The following TAS2R42 variants were observed in gnomAD, a reference collection of about 807,000 sequenced individuals.
The protein encoded by TAS2R42 is taste 2 receptor member 42.
For missense variants in TAS2R42, 356 were observed against 356.9 expected, an observed-to-expected ratio of 1.00 and a Z score of 0.02; for synonymous variants, 138 against 133.0, an observed-to-expected ratio of 1.04 and a Z score of -0.26.
At position 11,186,452 on chromosome 12, in the gene TAS2R42, A is replaced by G. The variant is rs75455802; in HGVS notation, c.486T>C (p.Ser162=). ...IDISLNIIDK[S]NLTLYLDESK... ...TTTCATCTAAATATAAAGTCAGATT[A>G]CTTTTATCTATTATATTGAGTGAGA... Residue 162 remains serine, a synonymous_variant, in exon 1 of 1, where the codon AGT becomes AGC. Coordinates refer to ENST00000334266, the MANE Select transcript of TAS2R42 (RefSeq NM_181429.2). 231 of 1,604,680 alleles carry G rather than the reference A, an allele frequency of 1.4e-4. 1 individual carries two copies. In the African/African-American group the frequency reaches 2.8e-3, roughly 20 times the overall value.
At position 11,186,345 on chromosome 12, in the gene TAS2R42, G is replaced by A. The variant is rs762859646; in HGVS notation, c.593C>T (p.Thr198Ile). 1.4e-5 allele frequency: 23 copies of A among 1,613,516 alleles called. No homozygotes were observed. The highest frequency in any genetic ancestry group is 1.9e-5 in the Non-Finnish European group (23 of 1,179,530). The part of the protein sequence containing the change: ...TSFIPFSLFL[T>I]SLLFLFLSLV... ...GGACAGAAATAAAAAAAGCAAGGAG[G>A]TCAGGAACAGAGAAAAGGGGATAAA... is the stretch of plus-strand genomic sequence containing the variant. The change falls in exon 1 of 1, where the codon ACC (threonine) becomes ATC (isoleucine). Residue 198 changes from threonine to isoleucine, a missense_variant. Thr to Ile is a moderately conservative substitution (Grantham distance 89). Coordinates refer to ENST00000334266, the MANE Select transcript of TAS2R42 (RefSeq NM_181429.2).
Position 11,186,228 on chromosome 12 carries a change from A to G in TAS2R42, c.710T>C (p.Met237Thr), listed in dbSNP as rs981527552. The change falls in exon 1 of 1, where the codon ATG (methionine) becomes ACG (threonine). Residue 237 changes from methionine to threonine, a missense_variant. By Grantham distance (81) the Met-to-Thr change is moderately conservative. Transcript: ENST00000334266. The part of the protein sequence containing the change: ...EAHRRAMKMV[M>T]SFLFLFIVHF... ...AACTATGAAGAGGAAAAGGAAAGACATCACCATTTTCATGGCCCTCCTATG... is the reference window on the plus strand; with the variant it reads ...AACTATGAAGAGGAAAAGGAAAGACGTCACCATTTTCATGGCCCTCCTATG... The G allele has an allele frequency of 2.5e-6, 4 of 1,613,330 alleles. No individual in the cohort carries two copies. The highest frequency in any genetic ancestry group is 2.7e-5 in the African/African-American group (2 of 74,842).
Position 11,186,787 on chromosome 12 carries a change from A to G in TAS2R42, c.151T>C (p.Leu51=), listed in dbSNP as rs1565739227. 6.2e-7 allele frequency: 1 copy of G among 1,614,120 alleles called. No individual in the cohort carries two copies. Among genetic ancestry groups the G allele is most frequent in the Non-Finnish European group, 8.5e-7 (1 of 1,179,984 alleles). The change falls in exon 1 of 1, where the codon TTG becomes CTG. Residue 51 remains leucine (L), a synonymous_variant. Coordinates refer to ENST00000334266, the MANE Select transcript of TAS2R42 (RefSeq NM_181429.2). The part of the protein sequence containing the change: ...VFSADFILTC[L]AISTIGQLLV... ...AGTTGTCCAATTGTGGAGATAGCCA[A>G]GCAGGTGAGGATGAAGTCAGCTGAG...
At position 11,186,806 on chromosome 12, in the gene TAS2R42, A is replaced by G. The variant is rs1197943248; in HGVS notation, c.132T>C (p.Ala44=). 5 of 1,614,040 alleles carry G rather than the reference A, an allele frequency of 3.1e-6. No individual in the cohort carries two copies. Among genetic ancestry groups the G allele is most frequent in the Non-Finnish European group, 4.2e-6 (5 of 1,180,012 alleles). The change falls in exon 1 of 1, where the codon GCT becomes GCC. Residue 44 remains alanine, a synonymous_variant. Transcript: ENST00000334266. ...EGIKNQKVFS[A]DFILTCLAIS... ...TAGCCAAGCAGGTGAGGATGAAGTC[A>G]GCTGAGAAGACCTTTTGGTTCTTGA... is the stretch of plus-strand genomic sequence containing the variant.
In TAS2R42 at chr12:11,186,904, G is replaced by C. The variant is rs1357063356; in HGVS notation, c.34C>G (p.Leu12Val). ...CTGATGATGAATTCTGCTATTGCCAGAATCAGAAAGATTTTGTCCAATTCG... is the reference window on the plus strand; with the variant it reads ...CTGATGATGAATTCTGCTATTGCCACAATCAGAAAGATTTTGTCCAATTCG... ...ATELDKIFLI[L>V]AIAEFIISML... Residue 12 changes from leucine to valine, a missense_variant, in exon 1 of 1, where the codon CTG becomes GTG. Physicochemically the swap from Leu to Val is conservative, Grantham distance 32 (BLOSUM62 1). Coordinates refer to ENST00000334266, the MANE Select transcript of TAS2R42 (RefSeq NM_181429.2). 6.2e-7 allele frequency: 1 copy of C among 1,612,626 alleles called. No individual in the cohort carries two copies. The highest frequency in any genetic ancestry group is 1.3e-5 in the African/African-American group (1 of 74,798).
Position 11,186,908 on chromosome 12 carries a change from C to T in TAS2R42, c.30G>A (p.Leu10=). 2.5e-6 allele frequency: 4 copies of T among 1,612,536 alleles called. No homozygotes were observed. Among genetic ancestry groups the T allele is most frequent in the Non-Finnish European group, 3.4e-6 (4 of 1,179,326 alleles). ...TGATGAATTCTGCTATTGCCAGAAT[C>T]AGAAAGATTTTGTCCAATTCGGTGG... MATELDKIF[L]ILAIAEFIIS... The change falls in exon 1 of 1, where the codon CTG becomes CTA. Residue 10 remains leucine, a synonymous_variant. Coordinates refer to ENST00000334266, the MANE Select transcript of TAS2R42 (RefSeq NM_181429.2).
rs2136508095 is a variant in TAS2R42, at chr12:11,186,688, T to G, written c.250A>C (p.Thr84Pro). Reference sequence around the variant, plus strand: ...GTCATGTGCCAAAGCATAATAACAGTTTTTCCTAGTCTATATGTGGTATAT... The same window carrying G: ...GTCATGTGCCAAAGCATAATAACAGGTTTTCCTAGTCTATATGTGGTATAT... Reference protein sequence around the residue: ...HLYTTYRLGKTVIMLWHMTNH... With the variant: ...HLYTTYRLGKPVIMLWHMTNH... Residue 84 changes from threonine to proline, a missense_variant, in exon 1 of 1, where the codon ACT (threonine) becomes CCT (proline). By Grantham distance (38) the Thr-to-Pro change is conservative. Transcript: ENST00000334266. 1 of 1,614,024 alleles carries G rather than the reference T, an allele frequency of 6.2e-7. No homozygotes were observed. Among genetic ancestry groups the G allele is most frequent in the Non-Finnish European group, 8.5e-7 (1 of 1,179,982 alleles).
chr12:11,186,098 G>A lies in TAS2R42; in HGVS notation c.840C>T (p.His280=), dbSNP rs771118774. Reference sequence around the variant, plus strand: ...TGTTTCCCAGAATGAGAATAAATGAGTGGCACGAGGGAAAGGCATTTAAGG... The same window carrying A: ...TGTTTCCCAGAATGAGAATAAATGAATGGCACGAGGGAAAGGCATTTAAGG... ...MLALNAFPSC[H]SFILILGNSK... Residue 280 remains histidine, a synonymous_variant, in exon 1 of 1, where the codon CAC becomes CAT. Transcript: ENST00000334266. 5 of 1,613,854 alleles carry A rather than the reference G, an allele frequency of 3.1e-6. No homozygotes were observed. The African/African-American group carries it at 6.7e-5, about 22-fold the overall frequency.
chr12:11,186,595 G>T lies in TAS2R42; in HGVS notation c.343C>A (p.Pro115Thr), dbSNP rs572685820. ...IFYFFKIAHF[P>T]HSLFLWLRWR... ...CTCAGCCAGAGGAAAAGGGAGTGGGGGAAGTGGGCTATCTTAAAGAAATAG... is the reference window on the plus strand; with the variant it reads ...CTCAGCCAGAGGAAAAGGGAGTGGGTGAAGTGGGCTATCTTAAAGAAATAG... Residue 115 changes from proline (P) to threonine (T), a missense_variant, in exon 1 of 1, where the codon CCC becomes ACC. Pro to Thr is a conservative substitution (Grantham distance 38, BLOSUM62 -1). Coordinates refer to ENST00000334266, the MANE Select transcript of TAS2R42 (RefSeq NM_181429.2). 9.3e-6 allele frequency: 15 copies of T among 1,614,020 alleles called. No individual in the cohort carries two copies. In the South Asian group the frequency reaches 1.6e-4, roughly 18 times the overall value.
chr12:11,186,197 A>G lies in TAS2R42; in HGVS notation c.741T>C (p.Phe247=), dbSNP rs1204943388. 6.2e-7 allele frequency: 1 copy of G among 1,613,818 alleles called. No homozygotes were observed. Among genetic ancestry groups the G allele is most frequent in the East Asian group, 2.2e-5 (1 of 44,876 alleles). The change falls in exon 1 of 1, where the codon TTT becomes TTC. Residue 247 remains phenylalanine, a synonymous_variant. Transcript: ENST00000334266. ...MSFLFLFIVH[F]FSLQVANWIF... ...TCCAATTGGCCACTTGTAAGGAAAA[A>G]AAATGAACTATGAAGAGGAAAAGGA...
chr12:11,186,924 A>C lies in TAS2R42; in HGVS notation c.14T>G (p.Leu5Trp). The change falls in exon 1 of 1, where the codon TTG (leucine) becomes TGG (tryptophan). Residue 5 changes from leucine (L) to tryptophan (W), a missense_variant. Transcript: ENST00000334266. ...TGCCAGAATCAGAAAGATTTTGTCCAATTCGGTGGCCATCTCCAGAGACAA... is the reference window on the plus strand; with the variant it reads ...TGCCAGAATCAGAAAGATTTTGTCCCATTCGGTGGCCATCTCCAGAGACAA... MATELDKIFLILAIA... is the reference protein window; with the variant it reads MATEWDKIFLILAIA... 1 of 1,601,088 alleles carries C rather than the reference A, an allele frequency of 6.2e-7. No individual in the cohort carries two copies. Among genetic ancestry groups the C allele is most frequent in the Non-Finnish European group, 8.5e-7 (1 of 1,175,316 alleles).
At position 11,186,453 on chromosome 12, in the gene TAS2R42, C is replaced by A; in HGVS notation, c.485G>T (p.Ser162Ile). 1.9e-6 allele frequency: 3 copies of A among 1,605,864 alleles called. No homozygotes were observed. The highest frequency in any genetic ancestry group is 2.6e-6 in the Non-Finnish European group (3 of 1,175,896). The change falls in exon 1 of 1, where the codon AGT (serine) becomes ATT (isoleucine). Residue 162 changes from serine to isoleucine, a missense_variant. Physicochemically the swap from Ser to Ile is moderately radical, Grantham distance 142. Coordinates refer to ENST00000334266, the MANE Select transcript of TAS2R42 (RefSeq NM_181429.2). ...IDISLNIIDKSNLTLYLDESK... is the reference protein window; with the variant it reads ...IDISLNIIDKINLTLYLDESK... ...TTCATCTAAATATAAAGTCAGATTA[C>A]TTTTATCTATTATATTGAGTGAGAT...
In TAS2R42 at chr12:11,186,626, G is replaced by T; in HGVS notation, c.312C>A (p.Ser104Arg). ...GGGCTATCTTAAAGAAATAGAAAAT[G>T]CTTAGGCAGGTGGCAAGCCAGGTTG... ...HLTTWLATCLSIFYFFKIAHF... is the reference protein window; with the variant it reads ...HLTTWLATCLRIFYFFKIAHF... Residue 104 changes from serine to arginine, a missense_variant, in exon 1 of 1, where the codon AGC (serine) becomes AGA (arginine). Physicochemically the swap from Ser to Arg is moderately radical, Grantham distance 110. Coordinates refer to ENST00000334266, the MANE Select transcript of TAS2R42 (RefSeq NM_181429.2). The T allele has an allele frequency of 6.2e-7, 1 of 1,614,064 alleles. No individual in the cohort carries two copies. The highest frequency in any genetic ancestry group is 8.5e-7 in the Non-Finnish European group (1 of 1,179,988).
Position 11,186,017 on chromosome 12 carries a change from T to G in TAS2R42, c.921A>C (p.Lys307Asn), listed in dbSNP as rs750106388. 19 of 1,608,086 alleles carry G rather than the reference T, an allele frequency of 1.2e-5. No individual in the cohort carries two copies. The highest frequency in any genetic ancestry group is 1.6e-5 in the Non-Finnish European group (19 of 1,177,804). Residue 307 changes from lysine (K) to asparagine (N), a missense_variant, in exon 1 of 1, where the codon AAA becomes AAC. Transcript: ENST00000334266. ...TCTACAAAGGTAAAGGGTTTGGTGT[T>G]TTTGTATAGTTCCTAAGATGCCACA... ...RLLWHLRNYT[K>N]TPNPLPL
chr12:11,186,079 C>A, the TAS2R42 span: 1 of 1,613,912 alleles, frequency 6.2e-7, no homozygotes, highest in Non-Finnish European at 8.5e-7. Context: ...TTGCTGTTTC[C>A]CAGAATGAGA....
Position 11,186,494 on chromosome 12 carries a change from T to C in TAS2R42, c.444A>G (p.Leu148=), listed in dbSNP as rs1350467284. 1 of 1,612,924 alleles carries C rather than the reference T, an allele frequency of 6.2e-7. No homozygotes were observed. Among genetic ancestry groups the C allele is most frequent in the African/African-American group, 1.3e-5 (1 of 74,912 alleles). The change falls in exon 1 of 1, where the codon CTA becomes CTG. Residue 148 remains leucine (L), a synonymous_variant. Transcript: ENST00000334266. The part of the protein sequence containing the change: ...LFLLIFDSLV[L]EIFIDISLNI... ...TGAGTGAGATATCAATAAATATTTC[T>C]AGCACTAAACTGTCAAAAATCAGTA...
In TAS2R42 at chr12:11,186,757, C is replaced by T. The variant is rs774164803; in HGVS notation, c.181G>A (p.Val61Met). The change falls in exon 1 of 1, where the codon GTG becomes ATG. Residue 61 changes from valine (V) to methionine (M), a missense_variant. By Grantham distance (21) the Val-to-Met change is conservative. Coordinates refer to ENST00000334266, the MANE Select transcript of TAS2R42 (RefSeq NM_181429.2). Reference sequence around the variant, plus strand: ...ACTAGAAATGAATCAAACAGTATCACCAACAGTTGTCCAATTGTGGAGATA... The same window carrying T: ...ACTAGAAATGAATCAAACAGTATCATCAACAGTTGTCCAATTGTGGAGATA... ...LAISTIGQLL[V>M]ILFDSFLVGL... is the part of the protein sequence containing the mutation. 3 of 1,614,012 alleles carry T rather than the reference C, an allele frequency of 1.9e-6. No individual in the cohort carries two copies. Among genetic ancestry groups the T allele is most frequent in the East Asian group, 2.2e-5 (1 of 44,870 alleles).
rs139794957 is a variant in TAS2R42 at position 11,186,851 on chromosome 12, C to T, written c.87G>A (p.Leu29=). The stretch of plus-strand genomic sequence containing the variant: ...TCTTGATCCCTTCAGAGCAGTTTAC[C>T]AGTCCAATGAACACATTCCCCAGCA... ...ISMLGNVFIG[L]VNCSEGIKNQ... Residue 29 remains leucine (L), a synonymous_variant, in exon 1 of 1, where the codon CTG becomes CTA. Transcript: ENST00000334266. 5.0e-6 allele frequency: 8 copies of T among 1,613,918 alleles called. No homozygotes were observed. In the African/African-American group the frequency reaches 8.0e-5, roughly 16 times the overall value.
rs970575215 is a variant in TAS2R42 at position 11,186,532 on chromosome 12, A to G, written c.406T>C (p.Leu136=). Residue 136 remains leucine (L), a synonymous_variant, in exon 1 of 1, where the codon TTG becomes CTG. Transcript: ENST00000334266. ...TCAAAAATCAGTAAGAACAAAGACAATATAAGAAGCATAACAATCATTCCG... is the reference window on the plus strand; with the variant it reads ...TCAAAAATCAGTAAGAACAAAGACAGTATAAGAAGCATAACAATCATTCCG... ...MNGMIVMLLI[L]SLFLLIFDSL... The G allele has an allele frequency of 2.5e-6, 4 of 1,613,910 alleles. No individual in the cohort carries two copies. Among genetic ancestry groups the G allele is most frequent in the Non-Finnish European group, 3.4e-6 (4 of 1,179,932 alleles).
Sources: allele counts gnomAD v4.1 joint callset, GRCh38; gene constraint gnomAD v4.1.1; transcripts MANE v1.5; gene names NCBI Gene and HGNC (gene_info 2026-07-23, HGNC 2026-07-21).